GPR35: variants seen among roughly 807,000 people sequenced by gnomAD.
GPR35 encodes G protein-coupled receptor 35.
For missense variants in GPR35, 372 were observed against 422.5 expected (o/e 0.88, Z 1.05); for synonymous variants, 207 against 198.4 (o/e 1.04, Z -0.36).
At chr2:240,617,828 G>A (rs1265170896) in intron 4 of GPR35, 1 of 155,890 alleles carries the variant, frequency 6.4e-6, no homozygotes, top group Non-Finnish European at 1.4e-5. Context: ...TTTAACTCCT[G>A]AGCCCCTTTG....
At position 240,611,089 on chromosome 2, in the gene GPR35, C is replaced by T. The variant is rs538086252; in HGVS notation, c.-577+4477C>T. Among the ~76,000 whole-genome samples, 86 of 152,206 alleles carry T rather than the reference C, an allele frequency of 5.7e-4. 1 individual carries two copies. In the Middle Eastern group the frequency reaches 0.014, roughly 24 times the overall value. On this transcript the variant is annotated intron_variant, in intron 2 of 5. Transcript: ENST00000319838. ...CTGGGATTACAGGTGCGTGCCACTA[C>T]GCCCAGCTGTGTTTTTTTGTTTGTT...
rs2043445506 is a variant in GPR35, at chr2:240,631,244, C to T, written c.*362C>T. On this transcript the variant is annotated 3_prime_UTR_variant, in exon 2 of 2. Transcript: ENST00000407714. ...CTCGGGGCTGGAATAAAACTCCCCA[C>T]CCAGAGTCAGTCCTAGTGGGGCCCT... 2 of 301,350 alleles carry T rather than the reference C, an allele frequency of 6.6e-6. No homozygotes were observed. The highest frequency in any genetic ancestry group is 5.9e-5 in the South Asian group (1 of 17,056). 18.7% of individuals were successfully genotyped at this position (301,350 alleles called of 1,614,324 possible).
upstream of GPR35, among the ~76,000 whole-genome samples, chr2:240,623,376 G>T (rs868157802): frequency 8.0e-6 from 1 of 125,322 alleles, no homozygotes; most frequent in Non-Finnish European, 1.8e-5. Context: ...GCGCAAACAG[G>T]TCGTGAGGGC....
chr2:240,625,220 GCTGT>G (rs1245722568), upstream of GPR35: 3 of 972,920 alleles, frequency 3.1e-6, no homozygotes, highest in Admixed American at 1.2e-4. Flanking sequence ...CTCTGGTTTT[GCTGT>G]CTGTCTCTCA....
chr2:240,606,669 G>C (rs983262012), intron 2 of GPR35: 3 of 152,272 alleles, frequency 2.0e-5, no homozygotes, highest in Admixed American at 6.5e-5. Context: ...GTGGCAGGGG[G>C]GGTATTCCTT....
intron 2 of GPR35, among the ~76,000 whole-genome samples, chr2:240,609,642 T>C (rs1323720071): frequency 2.0e-5 from 3 of 152,268 alleles, no homozygotes; most frequent in Non-Finnish European, 4.4e-5. Context: ...GCAGATGGAC[T>C]ATTTTGGAAA....
Position 240,630,472 on chromosome 2 carries a change from G to A in GPR35, c.520G>A (p.Ala174Thr). The A allele has an allele frequency of 1.2e-6, 2 of 1,612,924 alleles. No individual in the cohort carries two copies. The highest frequency in any genetic ancestry group is 8.5e-7 in the Non-Finnish European group (1 of 1,179,966). Reference sequence around the variant, plus strand: ...CACCCGGCACAATTTCAACTCCATGGCGTTCCCGCTGCTGGGATTCTACCT... The same window carrying A: ...CACCCGGCACAATTTCAACTCCATGACGTTCCCGCTGCTGGGATTCTACCT... ...RSTRHNFNSMAFPLLGFYLPL... is the reference protein window; with the variant it reads ...RSTRHNFNSMTFPLLGFYLPL... The change falls in exon 2 of 2, where the codon GCG becomes ACG. Residue 174 changes from alanine (A) to threonine (T), a missense_variant. Coordinates refer to ENST00000407714, the MANE Select transcript of GPR35 (RefSeq NM_005301.5).
At chr2:240,623,255 A>T (rs1444547624), upstream of GPR35, among the ~76,000 whole-genome samples, 3 of 152,228 alleles carry the variant, frequency 2.0e-5, no homozygotes, top group Admixed American at 6.5e-5. Flanking sequence ...TACTTAAAAA[A>T]TAAGTTCTGT....
At chr2:240,624,888 G>A (rs1029901246), upstream of GPR35, among the ~76,000 whole-genome samples, 3 of 152,164 alleles carry the variant, frequency 2.0e-5, no homozygotes, top group South Asian at 4.1e-4. Flanking sequence ...GCTTGGAGGA[G>A]GGGCCGGTGG....
rs770957036 is a variant in GPR35 at position 240,630,699 on chromosome 2, C to G, written c.747C>G (p.Ala249=). 6.2e-7 allele frequency: 1 copy of G among 1,613,390 alleles called. No individual in the cohort carries two copies. Among genetic ancestry groups the G allele is most frequent in the African/African-American group, 1.3e-5 (1 of 74,936 alleles). ...VRLAVGWNAC[A]LLETIRRALY... ...TCGCAGTGGGCTGGAACGCCTGTGC[C>G]CTCCTGGAGACGATCCGTCGCGCCC... Residue 249 remains alanine, a synonymous_variant, in exon 2 of 2, where the codon GCC becomes GCG. Coordinates refer to ENST00000407714, the MANE Select transcript of GPR35 (RefSeq NM_005301.5).
At position 240,616,403 on chromosome 2, in the gene GPR35, C is replaced by A. The variant is rs149521885; in HGVS notation, c.-561C>A. 64 of 779,066 alleles carry A rather than the reference C, an allele frequency of 8.2e-5. No individual in the cohort carries two copies. The African/African-American group carries it at 9.0e-4, about 11-fold the overall frequency. 48.3% of individuals were successfully genotyped at this position (779,066 alleles called of 1,614,324 possible). On this transcript the variant is annotated 5_prime_UTR_variant, in exon 3 of 6. Transcript: ENST00000319838. ...CCCCTCCTAGGTCTCTTGCCCTGTG[C>A]AGCTTCCTGCAGACTGGACTTGCAA...
chr2:240,623,421 GGGCGCAAACA>G (rs2043327966), upstream of GPR35, among the ~76,000 whole-genome samples: 12 of 85,646 alleles, frequency 1.4e-4, 2 homozygotes, highest in Non-Finnish European at 2.4e-4. Flanking sequence ...CAGATCGTGA[GGGCGCAAACA>G]GGTCGTGAGG....
At chr2:240,615,118 TGTGTG>T (rs140978575) in intron 2 of GPR35, among the ~76,000 whole-genome samples, 10,643 of 150,100 alleles carry the variant, frequency 0.071, 700 homozygotes, top group African/African-American at 0.18. Flanking sequence ...TGCCTGTGCT[TGTGTG>T]TGTGTGTGTG....
At chr2:240,622,053 T>C (rs370962267), upstream of GPR35, among the ~76,000 whole-genome samples, 1 of 151,534 alleles carries the variant, frequency 6.6e-6, no homozygotes, top group African/African-American at 2.4e-5. Context: ...TTTTTTTTTT[T>C]ACTTTTTGTA....
At chr2:240,613,533 C>G (rs2043206676) in intron 2 of GPR35, among the ~76,000 whole-genome samples, 1 of 152,000 alleles carries the variant, frequency 6.6e-6, no homozygotes, top group South Asian at 2.1e-4. Flanking sequence ...AACCATAACC[C>G]TAACCATAAC....
At chr2:240,619,861 G>C (rs2043274120) in intron 5 of GPR35, among the ~76,000 whole-genome samples, 1 of 152,192 alleles carries the variant, frequency 6.6e-6, no homozygotes, top group African/African-American at 2.4e-5. Flanking sequence ...TAGGAGTGAG[G>C]ATCTTAGGAG....
chr2:240,620,858 C>A (rs2043285753), upstream of GPR35, among the ~76,000 whole-genome samples: 1 of 152,220 alleles, frequency 6.6e-6, no homozygotes, highest in Non-Finnish European at 1.5e-5. Context: ...TCTCTATACA[C>A]TTTTATTATG....
chr2:240,628,374 A>C (rs1462448938), intron 1 of GPR35: 1 of 152,234 alleles, frequency 6.6e-6, no homozygotes, highest in African/African-American at 2.4e-5. Flanking sequence ...CAGGACCCTC[A>C]AGAAGGGAGG....
chr2:240,630,717 T>C lies in GPR35; in HGVS notation c.765T>C (p.Arg255=). 1 of 1,613,520 alleles carries C rather than the reference T, an allele frequency of 6.2e-7. No individual in the cohort carries two copies. The highest frequency in any genetic ancestry group is 8.5e-7 in the Non-Finnish European group (1 of 1,180,034). ...WNACALLETI[R]RALYITSKLS... ...CCTGTGCCCTCCTGGAGACGATCCGTCGCGCCCTGTACATAACCAGCAAGC... is the reference window on the plus strand; with the variant it reads ...CCTGTGCCCTCCTGGAGACGATCCGCCGCGCCCTGTACATAACCAGCAAGC... The change falls in exon 2 of 2, where the codon CGT becomes CGC. Residue 255 remains arginine, a synonymous_variant. Coordinates refer to ENST00000407714, the MANE Select transcript of GPR35 (RefSeq NM_005301.5).
Sources: gnomAD v4.1 joint callset for allele counts (sites outside exome capture counted in the v4.1 genomes callset) on GRCh38, gnomAD v4.1.1 for gene constraint, MANE v1.5 for transcripts, NCBI Gene and HGNC (gene_info 2026-07-23, HGNC 2026-07-21) for gene names.